The following TNFRSF11A variants were observed in gnomAD, a reference collection of about 807,000 sequenced individuals.
TNFRSF11A encodes the protein TNF receptor superfamily member 11a.
In TNFRSF11A, 32 loss-of-function variants were observed where a neutral mutation model predicts 55.7. The observed-to-expected ratio is 0.57, with a 90% CI of 0.43 to 0.77. The LOEUF is 0.77. Among genes scored for constraint, TNFRSF11A ranks in the 30% least tolerant of loss-of-function variants. TNFRSF11A has a pLI of 0.00. For missense variants in TNFRSF11A, 753 were observed against 809.8 expected (o/e 0.93, Z 0.85); for synonymous variants, 311 against 331.0 (o/e 0.94, Z 0.65).
chr18:62,384,838 G>A lies in TNFRSF11A; in HGVS notation c.1655G>A (p.Ser552Asn). 1 of 1,610,748 alleles carries A rather than the reference G, an allele frequency of 6.2e-7. No individual in the cohort carries two copies. Among genetic ancestry groups the A allele is most frequent in the Non-Finnish European group, 8.5e-7 (1 of 1,178,754 alleles). The change falls in exon 10 of 10, where the codon AGC (serine) becomes AAC (asparagine). Residue 552 changes from serine (S) to asparagine (N), a missense_variant. Coordinates refer to ENST00000586569, the MANE Select transcript of TNFRSF11A (RefSeq NM_003839.4). ...FKGDIIVVYV[S>N]QTSQEGAAAA... ...GGCGACATCATCGTGGTCTACGTCA[G>A]CCAGACCTCGCAGGAGGGCGCGGCG...
rs1911858632 is a variant in TNFRSF11A at position 62,388,228 on chromosome 18, C to T, written c.*3194C>T. 1 of 152,260 alleles carries T rather than the reference C, an allele frequency of 6.6e-6. No homozygotes were observed. The highest frequency in any genetic ancestry group is 1.5e-5 in the Non-Finnish European group (1 of 68,072). 9.4% of individuals were successfully genotyped at this position (152,260 alleles called of 1,614,324 possible). On this transcript the variant is annotated 3_prime_UTR_variant, in exon 10 of 10. Transcript: ENST00000586569. Reference sequence around the variant, plus strand: ...CAATGACCCGGCTAGTTGGCCGGGCCAGGCTGTGTGCTCTCCACCTGTCTC... The same window carrying T: ...CAATGACCCGGCTAGTTGGCCGGGCTAGGCTGTGTGCTCTCCACCTGTCTC...
chr18:62,354,295 C>T, intron 3 of TNFRSF11A, 96 bp from the exon 4 acceptor site: 22 of 1,416,118 alleles, frequency 1.6e-5, no homozygotes, highest in Non-Finnish European at 1.9e-5. Flanking sequence ...AGGCGGGCTG[C>T]TGCTCTGGGC....
chr18:62,386,676 T>C lies in TNFRSF11A; in HGVS notation c.*1642T>C, dbSNP rs1469483628. The C allele has an allele frequency of 1.3e-5, 2 of 152,188 alleles. No homozygotes were observed. 9.4% of individuals were successfully genotyped at this position (152,188 alleles called of 1,614,324 possible). ...CTGCCCAGACTTTACTGGCCACAAA[T>C]GCCCAGCTGAAGAGCATGACTGTGG... On this transcript the variant is annotated 3_prime_UTR_variant, in exon 10 of 10. Coordinates refer to ENST00000586569, the MANE Select transcript of TNFRSF11A (RefSeq NM_003839.4).
At chr18:62,341,844 T>G (rs988769802) in intron 1 of TNFRSF11A, among the ~76,000 whole-genome samples, 1 of 150,204 alleles carries the variant, frequency 6.7e-6, no homozygotes, top group Non-Finnish European at 1.5e-5. Flanking sequence ...GGCTTTTTTT[T>G]TTTTTTTTTT....
intron 5 of TNFRSF11A, among the ~76,000 whole-genome samples, chr18:62,358,651 A>C (rs192005297): frequency 3.9e-5 from 6 of 152,298 alleles, no homozygotes; most frequent in Non-Finnish European, 7.4e-5. Flanking sequence ...GGTCACGCCT[A>C]CTTCTCCCGA....
intron 6 of TNFRSF11A, among the ~76,000 whole-genome samples, chr18:62,361,460 A>G (rs1909678577): frequency 6.6e-6 from 1 of 152,182 alleles, no homozygotes; most frequent in Non-Finnish European, 1.5e-5. Flanking sequence ...GCTCTCCCGT[A>G]GAGTGAAACC....
chr18:62,336,750 G>A (rs1420557752), intron 1 of TNFRSF11A: 1 of 152,202 alleles, frequency 6.6e-6, no homozygotes, highest in African/African-American at 2.4e-5. Context: ...CCTTGCCCTT[G>A]GATTCCAGGT....
In TNFRSF11A at chr18:62,325,672, G is replaced by A. The variant is rs1297136703; in HGVS notation, c.75+245G>A. Among the ~76,000 whole-genome samples, 1 of 152,186 alleles carries A rather than the reference G, an allele frequency of 6.6e-6. No homozygotes were observed. ...TTGGCGGGACCGCAACACCCGAAAC[G>A]GGCTCTTCCAAAAGCCCCTCTTAGC... On this transcript the variant is annotated intron_variant, in intron 1 of 9. Coordinates refer to ENST00000586569, the MANE Select transcript of TNFRSF11A (RefSeq NM_003839.4). The surrounding 1 kb of genome is among the most constrained non-coding windows in gnomAD (Gnocchi z 4.7).
intron 9 of TNFRSF11A, among the ~76,000 whole-genome samples, chr18:62,382,362 C>T (rs1383163588): frequency 2.6e-5 from 4 of 152,036 alleles, no homozygotes; most frequent in African/African-American, 9.7e-5. Context: ...CTACTCGCCT[C>T]GGCCTCCCAA....
At chr18:62,371,915 T>G (rs1305139816) in intron 9 of TNFRSF11A, among the ~76,000 whole-genome samples, 1 of 152,224 alleles carries the variant, frequency 6.6e-6, no homozygotes, top group South Asian at 2.1e-4. Context: ...TGTGCTGATG[T>G]GACATTTGTT....
chr18:62,350,005 A>T (rs1041946011), intron 3 of TNFRSF11A, 68 bp downstream of exon 3: 24 of 1,599,240 alleles, frequency 1.5e-5, no homozygotes, highest in Non-Finnish European at 1.9e-5. Context: ...CTATAGAAAC[A>T]TTTTTAGAGG....
chr18:62,369,611 T>C, intron 9 of TNFRSF11A, 127 bp downstream of exon 9: 1 of 1,201,656 alleles, frequency 8.3e-7, no homozygotes, highest in Non-Finnish European at 1.2e-6. Context: ...GCTTTTTCTC[T>C]TAATAAGCAT....
rs1043804163 is a variant in TNFRSF11A at position 62,383,162 on chromosome 18, G to T, written c.1568-1589G>T. On this transcript the variant is annotated intron_variant, in intron 9 of 9. Transcript: ENST00000586569. The surrounding 1 kb of genome is among the most constrained non-coding windows in gnomAD (Gnocchi z 4.2). ...AGTCCTGCCACTGCCCATCTTGAAG[G>T]ACATCCCACACAACTGCCCATGGGA... is the stretch of plus-strand genomic sequence containing the variant. Among the ~76,000 whole-genome samples the T allele has an allele frequency of 3.0e-4, 45 of 152,138 alleles. No homozygotes were observed. The highest frequency in any genetic ancestry group is 1.0e-3 in the African/African-American group (42 of 41,428).
At chr18:62,338,805 G>GT (rs61078640) in intron 1 of TNFRSF11A, among the ~76,000 whole-genome samples, 10,684 of 152,164 alleles carry the variant, frequency 0.07, 812 homozygotes, top group East Asian at 0.33. Context: ...GGCAAATTTT[G>GT]TATCTATTTT....
At chr18:62,338,581 T>C (rs908954674) in intron 1 of TNFRSF11A, among the ~76,000 whole-genome samples, 1 of 152,200 alleles carries the variant, frequency 6.6e-6, no homozygotes, top group Non-Finnish European at 1.5e-5. Flanking sequence ...GGAAAAATAC[T>C]GTGTGGTTCC....
At chr18:62,382,899 A>C (rs1407843384) in intron 9 of TNFRSF11A, among the ~76,000 whole-genome samples, 2 of 152,056 alleles carry the variant, frequency 1.3e-5, no homozygotes, top group African/African-American at 4.8e-5. Context: ...CTAATATTTC[A>C]CTGCTTTACC....
intron 4 of TNFRSF11A, among the ~76,000 whole-genome samples, chr18:62,356,128 G>A (rs1033163763): frequency 9.2e-5 from 14 of 152,130 alleles, no homozygotes; most frequent in Non-Finnish European, 1.3e-4. Context: ...TAACAAAAGC[G>A]TTTTTTTCCA....
intron 2 of TNFRSF11A, among the ~76,000 whole-genome samples, chr18:62,349,274 G>A (rs776621050): frequency 6.6e-6 from 1 of 151,528 alleles, no homozygotes; most frequent in Admixed American, 6.6e-5. Context: ...TCTCCCAGAG[G>A]TTGAGGCAGC....
At chr18:62,377,114 A>G (rs1458626619) in intron 9 of TNFRSF11A, among the ~76,000 whole-genome samples, 1 of 152,034 alleles carries the variant, frequency 6.6e-6, no homozygotes, top group Non-Finnish European at 1.5e-5. Context: ...ACGGGGTTTC[A>G]CTGTGTTAGC....
Sources: gnomAD v4.1 joint callset for allele counts (sites outside exome capture counted in the v4.1 genomes callset) on GRCh38, gnomAD v4.1.1 for gene constraint, Gnocchi (gnomAD v3.1) non-coding constraint, MANE v1.5 for transcripts, NCBI Gene and HGNC (gene_info 2026-07-23, HGNC 2026-07-21) for gene names.